TRANK1: variants seen among roughly 807,000 people sequenced by gnomAD.
TRANK1 encodes the protein TPR and ankyrin repeat-containing protein 1.
A neutral mutation model predicts 266.0 loss-of-function variants in TRANK1; 198 were observed. The observed-to-expected ratio is 0.74, with a 90% confidence interval of 0.66 to 0.84. TRANK1 has a LOEUF of 0.84. Ranked by LOEUF, TRANK1 falls within the 40% of genes least tolerant of loss-of-function variation. The pLI is 0.00. For synonymous variants in TRANK1, 1,396 were observed against 1,384.1 expected (o/e 1.01, Z -0.19); for missense variants, 3,326 against 3,634.6 (o/e 0.92, Z 2.18).
Position 36,831,411 on chromosome 3 carries a change from C to T in TRANK1, c.8172G>A (p.Arg2724=). 1 of 1,612,982 alleles carries T rather than the reference C, an allele frequency of 6.2e-7. No individual in the cohort carries two copies. The stretch of plus-strand genomic sequence containing the variant: ...ACAGAGACACCACCAGGCATGCCCT[C>T]CTCAACTTCCGCTGTATGGAGGCCT... ...QRKASIQRKL[R]RACLVVSLCI... is the part of the protein sequence containing the mutation. The change falls in exon 22 of 24, where the codon AGG becomes AGA. Residue 2724 remains arginine (R), a synonymous_variant. Coordinates refer to ENST00000645898, the MANE Select transcript of TRANK1 (RefSeq NM_001329998.2). The surrounding 1 kb of genome is among the most constrained non-coding windows in gnomAD (Gnocchi z 5.0).
intron 1 of TRANK1, among the ~76,000 whole-genome samples, chr3:36,942,555 C>T (rs977062112): frequency 2.0e-5 from 3 of 151,696 alleles, no homozygotes; most frequent in African/African-American, 7.3e-5. Context: ...CACCAGGCCC[C>T]ACTGGGATCC....
rs1461587754 is a variant in TRANK1, at chr3:36,895,740, T to C, written c.452A>G (p.Gln151Arg). Reference protein sequence around the residue: ...TTMSSDSIVLQSFLPCFDHIF... With the variant: ...TTMSSDSIVLRSFLPCFDHIF... ...ATGATCAAAGCAAGGCAAGAAACTT[T>C]GCAAAACAATGGAGTCACCTAAAAG... The change falls in exon 5 of 24, where the codon CAA (glutamine) becomes CGA (arginine). Residue 151 changes from glutamine (Q) to arginine (R), a missense_variant. Transcript: ENST00000645898. 1 of 1,534,132 alleles carries C rather than the reference T, an allele frequency of 6.5e-7. No homozygotes were observed. The highest frequency in any genetic ancestry group is 8.7e-7 in the Non-Finnish European group (1 of 1,145,842).
chr3:36,846,622 T>C (rs1306840808), intron 16 of TRANK1, among the ~76,000 whole-genome samples: 3 of 152,320 alleles, frequency 2.0e-5, no homozygotes, highest in African/African-American at 7.2e-5. Flanking sequence ...CTTTCCCACC[T>C]AAGCAGGAAG....
Position 36,856,713 on chromosome 3 carries a change from C to T in TRANK1, c.3009G>A (p.Glu1003=). 6.2e-7 allele frequency: 1 copy of T among 1,614,068 alleles called. No homozygotes were observed. The highest frequency in any genetic ancestry group is 8.5e-7 in the Non-Finnish European group (1 of 1,179,904). Residue 1003 remains glutamate, a synonymous_variant, in exon 13 of 24, where the codon GAG becomes GAA. Coordinates refer to ENST00000645898, the MANE Select transcript of TRANK1 (RefSeq NM_001329998.2). The part of the protein sequence containing the change: ...PRCYVEDTEA[E]KGREHVNPEY... ...CAGGATTGACATGCTCCCTGCCCTT[C>T]TCGGCCTCTGTGTCCTCCACATAGC...
At chr3:36,846,990 C>T (rs1024471548) in intron 16 of TRANK1, among the ~76,000 whole-genome samples, 1 of 152,084 alleles carries the variant, frequency 6.6e-6, no homozygotes, top group African/African-American at 2.4e-5. Flanking sequence ...CGTTTTCAGA[C>T]AGTATCCACC....
intron 1 of TRANK1, among the ~76,000 whole-genome samples, chr3:36,938,564 A>G (rs1382396411): frequency 2.0e-5 from 3 of 152,020 alleles, no homozygotes; most frequent in Non-Finnish European, 2.9e-5. Flanking sequence ...TGACACATAC[A>G]TAGAGACTTG....
intron 1 of TRANK1, among the ~76,000 whole-genome samples, chr3:36,915,725 A>G (rs1180064034): frequency 6.6e-6 from 1 of 152,210 alleles, no homozygotes; most frequent in Non-Finnish European, 1.5e-5. Context: ...ATGAAGAAAA[A>G]GTAGAGGGTA....
chr3:36,869,997 A>G (rs1028806289), intron 9 of TRANK1, among the ~76,000 whole-genome samples: 1 of 152,254 alleles, frequency 6.6e-6, no homozygotes, highest in African/African-American at 2.4e-5. Flanking sequence ...AAATGTATGC[A>G]TGTAACTCTA....
chr3:36,926,631 T>A (rs1314330613), intron 1 of TRANK1, among the ~76,000 whole-genome samples: 1 of 152,098 alleles, frequency 6.6e-6, no homozygotes, highest in African/African-American at 2.4e-5. Context: ...TATAGTTACA[T>A]CATTAACTAT....
chr3:36,859,732 C>T (rs2079109144), intron 11 of TRANK1, among the ~76,000 whole-genome samples: 1 of 152,214 alleles, frequency 6.6e-6, no homozygotes, highest in Non-Finnish European at 1.5e-5. Flanking sequence ...TGGTTCCTAG[C>T]ACCTGATCCT....
At chr3:36,918,568 A>AAGGG (rs2080166631) in intron 1 of TRANK1, among the ~76,000 whole-genome samples, 1 of 78,960 alleles carries the variant, frequency 1.3e-5, no homozygotes, top group Admixed American at 1.2e-4. Context: ...GGAAGGTAGG[A>AAGGG]AGGAAGGAAG....
At position 36,832,700 on chromosome 3, in the gene TRANK1, G is replaced by C; in HGVS notation, c.6883C>G (p.Pro2295Ala). 6.2e-7 allele frequency: 1 copy of C among 1,613,888 alleles called. No homozygotes were observed. Among genetic ancestry groups the C allele is most frequent in the Non-Finnish European group, 8.5e-7 (1 of 1,179,894 alleles). The change falls in exon 22 of 24, where the codon CCA becomes GCA. Residue 2295 changes from proline (P) to alanine (A), a missense_variant. Physicochemically the swap from Pro to Ala is conservative, Grantham distance 27. Transcript: ENST00000645898. Reference protein sequence around the residue: ...NPMACKEILKPNYKSFRFYRF... With the variant: ...NPMACKEILKANYKSFRFYRF... ...TAGAACCGGAAGGATTTGTAATTTGGTTTGAGGATTTCTTTGCATGCCATG... is the reference window on the plus strand; with the variant it reads ...TAGAACCGGAAGGATTTGTAATTTGCTTTGAGGATTTCTTTGCATGCCATG...
chr3:36,865,681 G>T (rs1445122857), intron 9 of TRANK1, among the ~76,000 whole-genome samples: 1 of 152,092 alleles, frequency 6.6e-6, no homozygotes, highest in Non-Finnish European at 1.5e-5. Context: ...AGACCAGCCT[G>T]AGCAACATGG....
chr3:36,888,443 ATTTAACTGTACACTTTAAAC>A (rs1324285055), intron 8 of TRANK1, among the ~76,000 whole-genome samples: 2 of 152,260 alleles, frequency 1.3e-5, no homozygotes, highest in African/African-American at 4.8e-5. Flanking sequence ...ATCAAAAAGC[ATTTAACTGTACACTTTAAAC>A]AGGTAAATTA....
At chr3:36,926,534 G>C (rs772858732) in intron 1 of TRANK1, among the ~76,000 whole-genome samples, 1 of 152,140 alleles carries the variant, frequency 6.6e-6, no homozygotes, top group Non-Finnish European at 1.5e-5. Context: ...AATAGGGAAG[G>C]CACCAGAAAT....
chr3:36,940,553 C>G (rs539573541), intron 1 of TRANK1, among the ~76,000 whole-genome samples: 3 of 151,972 alleles, frequency 2.0e-5, no homozygotes, highest in African/African-American at 7.2e-5. Flanking sequence ...TCTCTTCCAC[C>G]TGGCAATCCT....
chr3:36,944,730 A>T, intron 1 of TRANK1, 57 bp downstream of exon 1: 1 of 1,494,750 alleles, frequency 6.7e-7, no homozygotes, highest in Non-Finnish European at 8.9e-7. Flanking sequence ...CCCGCCAGGA[A>T]GGGTGGCGGG....
chr3:36,904,297 G>A (rs1007938671), intron 2 of TRANK1, among the ~76,000 whole-genome samples: 1 of 151,558 alleles, frequency 6.6e-6, no homozygotes, highest in African/African-American at 2.4e-5. Context: ...TCGGGAGGCC[G>A]AGGCCGAGGC....
chr3:36,838,239 G>A (rs978575848), intron 20 of TRANK1, 133 bp downstream of exon 20: 10 of 1,374,642 alleles, frequency 7.3e-6, no homozygotes, highest in African/African-American at 1.5e-5. Context: ...TTCCCTTAGA[G>A]TCGCAGGGCC....
Sources: gnomAD v4.1 joint callset for allele counts (sites outside exome capture counted in the v4.1 genomes callset) on GRCh38, gnomAD v4.1.1 for gene constraint, Gnocchi (gnomAD v3.1) non-coding constraint, MANE v1.5 for transcripts, NCBI Gene and HGNC (gene_info 2026-07-23, HGNC 2026-07-21) for gene names.